The following CRMP1 variants were observed in gnomAD, a reference collection of about 807,000 sequenced individuals.
CRMP1 encodes the protein dihydropyrimidinase-related protein 1.
Under a neutral mutation model 68.3 loss-of-function variants are expected in CRMP1, and 19 were observed. That is an observed-to-expected ratio of 0.28 (90% CI 0.19 to 0.41). The LOEUF is 0.41. Ranked by LOEUF, CRMP1 falls within the 10% of genes least tolerant of loss-of-function variation. The probability of loss-of-function intolerance (pLI) is 1.00; values close to 1 mark genes in which losing one functional copy is unlikely to be tolerated. For synonymous variants in CRMP1, 439 were observed against 399.6 expected, an observed-to-expected ratio of 1.10 and a Z score of -1.18; for missense variants, 791 against 967.4, an observed-to-expected ratio of 0.82 and a Z score of 2.42.
rs1237783645 is a variant in CRMP1 at position 5,853,851 on chromosome 4, C to T, written c.820+2292G>A. Among the ~76,000 whole-genome samples the T allele has an allele frequency of 6.6e-6, 1 of 152,256 alleles. No homozygotes were observed. Among genetic ancestry groups the T allele is most frequent in the Non-Finnish European group, 1.5e-5 (1 of 68,046 alleles). ...AGGCACAGAAAGGCAAACACTGCAG[C>T]ATCTCACTTATATGTGGAATCTAAA... On this transcript the variant is annotated intron_variant, in intron 4 of 13. Transcript: ENST00000324989. This position sits in a 1 kb window ranked among gnomAD's most constrained non-coding sequence, Gnocchi z 4.7.
chr4:5,887,456 G>A (rs552573242), intron 1 of CRMP1: 2 of 985,390 alleles, frequency 2.0e-6, no homozygotes, highest in Non-Finnish European at 2.4e-6. Flanking sequence ...CAGGAACTGG[G>A]GCGGAGGGCC....
In CRMP1 at chr4:5,888,461, T is replaced by A. The variant is rs1218339376; in HGVS notation, c.381+4128A>T. On this transcript the variant is annotated intron_variant, in intron 1 of 13. Transcript: ENST00000324989. This position sits in a 1 kb window ranked among gnomAD's most constrained non-coding sequence, Gnocchi z 6.4. ...TCGGCCCGCCCGCCGCCGCTCCGGC[T>A]GCCAGCACCGCCCGGATCGGCGAGG... is the stretch of plus-strand genomic sequence containing the variant. The A allele has an allele frequency of 8.3e-7, 1 of 1,210,152 alleles. No homozygotes were observed. Among genetic ancestry groups the A allele is most frequent in the East Asian group, 3.3e-5 (1 of 29,914 alleles). 75.0% of individuals were successfully genotyped at this position (1,210,152 alleles called of 1,614,324 possible). A position where few individuals can be genotyped will look rare whatever the true frequency, so the allele number is the denominator to read the frequency against.
rs1343129120 is a variant in CRMP1 at position 5,865,475 on chromosome 4, G to T, written c.470+1193C>A. On this transcript the variant is annotated intron_variant, in intron 2 of 13. Transcript: ENST00000324989. This position sits in a 1 kb window ranked among gnomAD's most constrained non-coding sequence, Gnocchi z 4.1. The stretch of plus-strand genomic sequence containing the variant: ...GTCTCTACTAAAATGCAAAAAAGTA[G>T]CGGGGCATGGTGATGCATGCCTGTA... Among the ~76,000 whole-genome samples the T allele has an allele frequency of 6.6e-6, 1 of 152,056 alleles. No individual in the cohort carries two copies. Among genetic ancestry groups the T allele is most frequent in the Non-Finnish European group, 1.5e-5 (1 of 67,998 alleles).
Position 5,828,533 on chromosome 4 carries a change from C to T in CRMP1, c.1759G>A (p.Ala587Thr), listed in dbSNP as rs141992841. 91 of 1,614,130 alleles carry T rather than the reference C, an allele frequency of 5.6e-5. No individual in the cohort carries two copies. Among genetic ancestry groups the T allele is most frequent in the Non-Finnish European group, 3.8e-5 (45 of 1,180,046 alleles). ...CGCTGGTACAGGTGCTCCGGGAACG[C>T]CTTCCGCGGAATGAAGCGGCCCATG... ...KGMGRFIPRK[A>T]FPEHLYQRVK... The change falls in exon 12 of 14, where the codon GCG (alanine) becomes ACG (threonine). Residue 587 changes from alanine (A) to threonine (T), a missense_variant. Around this residue, in one of 3 missense-constraint regions of CRMP1, gnomAD observed 594 missense variants for 763.6 expected, o/e 0.78. Transcript: ENST00000324989.
At chr4:5,856,370 A>G (rs2152465707) in intron 3 of CRMP1, 63 bp from the exon 4 acceptor site, 1 of 1,470,632 alleles carries the variant, frequency 6.8e-7, no homozygotes, top group Non-Finnish European at 9.4e-7. Context: ...TAGCCACATC[A>G]TTACCACTAC....
chr4:5,841,325 G>A lies in CRMP1; in HGVS notation c.1136C>T (p.Ala379Val). The change falls in exon 8 of 14, where the codon GCT (alanine) becomes GTT (valine). Residue 379 changes from alanine to valine, a missense_variant. By Grantham distance (64) the Ala-to-Val change is moderately conservative. Coordinates refer to ENST00000324989, the MANE Select transcript of CRMP1 (RefSeq NM_001014809.3). The surrounding 1 kb of genome is among the most constrained non-coding windows in gnomAD (Gnocchi z 6.9). Reference sequence around the variant, plus strand: ...CTGCATACCTTTCTTCCTGGCCAGAGCGATGATGTCGGCTGCACTCTTGCT... The same window carrying A: ...CTGCATACCTTTCTTCCTGGCCAGAACGATGATGTCGGCTGCACTCTTGCT... ...VMSKSAADIIALARKKGPLVF... is the reference protein window; with the variant it reads ...VMSKSAADIIVLARKKGPLVF... 1 of 1,614,038 alleles carries A rather than the reference G, an allele frequency of 6.2e-7. No individual in the cohort carries two copies. The highest frequency in any genetic ancestry group is 8.5e-7 in the Non-Finnish European group (1 of 1,180,014).
intron 10 of CRMP1, 68 bp downstream of exon 10, chr4:5,836,697 A>G (rs1346371051): frequency 8.7e-6 from 14 of 1,610,590 alleles, no homozygotes; most frequent in Admixed American, 1.7e-5. Flanking sequence ...CAGCGTGCAT[A>G]ATGCATCGGC....
rs540860216 is a variant in CRMP1 at position 5,860,942 on chromosome 4, G to A, written c.655+84C>T. ...AATGGCACCCTGGGCAGAGAGCCTC[G>A]AACACACTGAGCACTTGTGATGCTG... On this transcript the variant is annotated intron_variant, in intron 3 of 13. Coordinates refer to ENST00000324989, the MANE Select transcript of CRMP1 (RefSeq NM_001014809.3). This position sits in a 1 kb window ranked among gnomAD's most constrained non-coding sequence, Gnocchi z 4.2. The A allele has an allele frequency of 2.8e-5, 40 of 1,410,692 alleles. 1 individual carries two copies. Among genetic ancestry groups the A allele is most frequent in the East Asian group, 9.4e-5 (4 of 42,676 alleles). The allele number at this position is 1,410,692 out of a possible 1,614,324, so 87.4% of individuals were successfully genotyped here. A position where few individuals can be genotyped will look rare whatever the true frequency, so the allele number is the denominator to read the frequency against.
intron 4 of CRMP1, among the ~76,000 whole-genome samples, chr4:5,852,720 C>G (rs987824575): frequency 6.6e-6 from 1 of 152,182 alleles, no homozygotes; most frequent in African/African-American, 2.4e-5. Flanking sequence ...GTAGGGGGCT[C>G]GCCATCTGGG....
intron 6 of CRMP1, among the ~76,000 whole-genome samples, chr4:5,846,154 G>C (rs1023843568): frequency 2.0e-5 from 3 of 152,076 alleles, no homozygotes; most frequent in Non-Finnish European, 4.4e-5. Context: ...AAATTAGCTA[G>C]GCGTGGTGGC....
intron 2 of CRMP1, among the ~76,000 whole-genome samples, chr4:5,864,574 G>C (rs753113761): frequency 6.6e-6 from 1 of 152,118 alleles, no homozygotes; most frequent in African/African-American, 2.4e-5. Flanking sequence ...GCCCCAGGGC[G>C]GGGGGCCACG....
At position 5,860,040 on chromosome 4, in the gene CRMP1, G is replaced by A. The variant is rs1387259164; in HGVS notation, c.655+986C>T. Among the ~76,000 whole-genome samples the A allele has an allele frequency of 6.6e-6, 1 of 152,090 alleles. No individual in the cohort carries two copies. The highest frequency in any genetic ancestry group is 1.9e-4 in the East Asian group (1 of 5,168). ...CAAGAAACAGCCATCGGGCTGCACAGGGCAATGGAGGAGGAGTCCAGTTTC... is the reference window on the plus strand; with the variant it reads ...CAAGAAACAGCCATCGGGCTGCACAAGGCAATGGAGGAGGAGTCCAGTTTC... On this transcript the variant is annotated intron_variant, in intron 3 of 13. Coordinates refer to ENST00000324989, the MANE Select transcript of CRMP1 (RefSeq NM_001014809.3). The surrounding 1 kb of genome is among the most constrained non-coding windows in gnomAD (Gnocchi z 4.2).
intron 2 of CRMP1, among the ~76,000 whole-genome samples, chr4:5,864,960 G>C (rs1420200991): frequency 6.7e-6 from 1 of 149,824 alleles, no homozygotes; most frequent in South Asian, 2.1e-4. Flanking sequence ...GGGGTGGGCT[G>C]GGGGGAGGCA....
rs764467563 is a variant in CRMP1, at chr4:5,851,416, C to T, written c.874G>A (p.Asp292Asn). 2.5e-6 allele frequency: 4 copies of T among 1,614,114 alleles called. No individual in the cohort carries two copies. Among genetic ancestry groups the T allele is most frequent in the Non-Finnish European group, 3.4e-6 (4 of 1,179,978 alleles). The change falls in exon 5 of 14, where the codon GAC becomes AAC. Residue 292 changes from aspartate to asparagine, a missense_variant. Physicochemically the swap from Asp to Asn is conservative, Grantham distance 23. Around this residue, in one of 3 missense-constraint regions of CRMP1, gnomAD observed 594 missense variants for 763.6 expected, o/e 0.78. Coordinates refer to ENST00000324989, the MANE Select transcript of CRMP1 (RefSeq NM_001014809.3). ...MAYKDVYQMS[D>N]SQLYEAFTFL... ...GAGTGTGAGGGACCTACCTGGCTGT[C>T]GGACATTTGGTAGACATCCTTATAG...
intron 12 of CRMP1, chr4:5,828,020 G>C (rs1234810118): frequency 1.0e-6 from 1 of 984,488 alleles, no homozygotes; most frequent in East Asian, 1.1e-4. Flanking sequence ...AAGGAAGAAA[G>C]GGCGGATCTG....
In CRMP1 at chr4:5,888,093, C is replaced by T; in HGVS notation, c.381+4496G>A. 9.6e-7 allele frequency: 1 copy of T among 1,045,604 alleles called. No homozygotes were observed. The highest frequency in any genetic ancestry group is 1.2e-6 in the Non-Finnish European group (1 of 822,820). The allele number at this position is 1,045,604 out of a possible 1,614,324, so 64.8% of individuals were successfully genotyped here. On this transcript the variant is annotated intron_variant, in intron 1 of 13. Coordinates refer to ENST00000324989, the MANE Select transcript of CRMP1 (RefSeq NM_001014809.3). The surrounding 1 kb of genome is among the most constrained non-coding windows in gnomAD (Gnocchi z 6.4). ...GAGGGGGCTGAAATCCCGAGACCGGCCCCGCCCCACCCGCGGCGACGCAGG... is the reference window on the plus strand; with the variant it reads ...GAGGGGGCTGAAATCCCGAGACCGGTCCCGCCCCACCCGCGGCGACGCAGG...
chr4:5,837,419 T>C (rs1720790818), intron 9 of CRMP1, among the ~76,000 whole-genome samples: 1 of 147,358 alleles, frequency 6.8e-6, no homozygotes, highest in African/African-American at 2.5e-5. Context: ...AGTCAGGAGA[T>C]CGGGACCAGC....
intron 11 of CRMP1, among the ~76,000 whole-genome samples, chr4:5,830,792 C>T (rs1720318586): frequency 6.6e-6 from 1 of 152,186 alleles, no homozygotes; most frequent in South Asian, 2.1e-4. Flanking sequence ...GCTACTCTCA[C>T]ATTTCTCATC....
At chr4:5,832,614 C>A (rs1456894153) in intron 11 of CRMP1, among the ~76,000 whole-genome samples, 1 of 152,156 alleles carries the variant, frequency 6.6e-6, no homozygotes, top group Non-Finnish European at 1.5e-5. Flanking sequence ...GATGGCATTG[C>A]TTTGGACAGA....
Sources: allele counts gnomAD v4.1 joint callset (sites outside exome capture counted in the v4.1 genomes callset), GRCh38; gene constraint gnomAD v4.1.1; regional missense constraint gnomAD v4.1.1; non-coding constraint Gnocchi (gnomAD v3.1); transcripts MANE v1.5; gene names NCBI Gene and HGNC (gene_info 2026-07-23, HGNC 2026-07-21).